The following MUTYH variants were observed in gnomAD, a reference collection of about 807,000 sequenced individuals.
MUTYH encodes the protein adenine DNA glycosylase.
A neutral mutation model predicts 72.9 loss-of-function variants in MUTYH; 64 were observed. That is an observed-to-expected ratio of 0.88 (90% confidence interval 0.72 to 1.08). MUTYH has a LOEUF of 1.08. MUTYH is among the 50% of genes least tolerant of loss of function. MUTYH has a pLI of 0.00. For synonymous variants in MUTYH, 234 were observed against 263.1 expected (o/e 0.89, Z 1.07); for missense variants, 633 against 671.0 (o/e 0.94, Z 0.63).
intron 9 of MUTYH, 31 bp downstream of exon 9, chr1:45,332,360 C>G (rs746366720): frequency 1.2e-6 from 2 of 1,614,138 alleles, no homozygotes; most frequent in Non-Finnish European, 1.7e-6. Flanking sequence ...GCAGACACCC[C>G]TGAAGCACCC....
chr1:45,340,239 A>G, upstream of MUTYH: 1 of 1,613,800 alleles, frequency 6.2e-7, no homozygotes, highest in Non-Finnish European at 8.5e-7. Flanking sequence ...CTCAGGCGGG[A>G]GACGAGCGGT....
chr1:45,337,409 C>T (rs1007117185), intron 1 of MUTYH, among the ~76,000 whole-genome samples: 22 of 152,130 alleles, frequency 1.4e-4, no homozygotes, highest in Non-Finnish European at 1.9e-4. Context: ...CAACCCGCCT[C>T]GGCCTCCCAA....
chr1:45,330,323 G>A (rs1376606266), intron 15 of MUTYH, among the ~76,000 whole-genome samples, 193 bp downstream of exon 15: 3 of 151,160 alleles, frequency 2.0e-5, no homozygotes, highest in Admixed American at 6.6e-5. Context: ...TGACACTGGA[G>A]AGTCCTCATC....
intron 1 of MUTYH, chr1:45,338,293 CCTCA>C (rs1285838167): frequency 1.9e-6 from 1 of 532,922 alleles, no homozygotes; most frequent in African/African-American, 1.9e-5. Flanking sequence ...CGCCTCATCC[CCTCA>C]CTATGCTCTA....
intron 1 of MUTYH, among the ~76,000 whole-genome samples, chr1:45,335,461 A>T (rs891206038): frequency 3.3e-5 from 5 of 152,036 alleles, no homozygotes; most frequent in African/African-American, 1.2e-4. Context: ...TCCTTCAGAA[A>T]AAAAAAAACC....
chr1:45,331,197 G>A lies in MUTYH; in HGVS notation c.1377C>T (p.Ser459=), dbSNP rs876658316. ...TQEEFHTAAV[S]TAMKKVFRVY... ...AAGGTAGTGCCTTTTTCATGGCGGT[G>A]GAAACAGCTGCGGTGTGAAATTCCT... is the stretch of plus-strand genomic sequence containing the variant. Residue 459 remains serine (S), a synonymous_variant, in exon 14 of 16, where the codon TCC becomes TCT. Coordinates refer to ENST00000456914, the MANE Select transcript of MUTYH (RefSeq NM_001048174.2). The A allele has an allele frequency of 1.9e-6, 3 of 1,614,212 alleles. No individual in the cohort carries two copies. The highest frequency in any genetic ancestry group is 2.5e-6 in the Non-Finnish European group (3 of 1,180,036).
chr1:45,339,484 G>A (rs1462321073), intron 1 of MUTYH, among the ~76,000 whole-genome samples: 2 of 149,520 alleles, frequency 1.3e-5, no homozygotes, highest in African/African-American at 4.9e-5. Flanking sequence ...AAAGTGCTGG[G>A]ATTACAGGCG....
intron 2 of MUTYH, chr1:45,334,078 C>T: frequency 2.5e-6 from 1 of 399,440 alleles, no homozygotes; most frequent in Non-Finnish European, 4.8e-6. Context: ...ATTATCTTGA[C>T]TCAGTGCAAC....
rs1553125243 is a variant in MUTYH at position 45,331,301 on chromosome 1, AT to A, written c.1272del (p.Tyr425IlefsTer14). 1 of 1,614,158 alleles carries A rather than the reference AT, an allele frequency of 6.2e-7. No homozygotes were observed. The highest frequency in any genetic ancestry group is 8.5e-7 in the Non-Finnish European group (1 of 1,180,018). On this transcript the variant is annotated frameshift_variant, in exon 14 of 16. Transcript: ENST00000456914. LOFTEE classifies it high-confidence loss of function. ...TCCAAGGCCAGCCCATATACTTGAT[AT>A]GTCAGCTTGATGTGAGAGAAGGTGT... ...VVHTFSHIKL[T>X]YQVYGLALEG...
chr1:45,332,611 T>C lies in MUTYH; in HGVS notation c.569A>G (p.Tyr190Cys), dbSNP rs1570415740. The stretch of plus-strand genomic sequence containing the variant: ...GATAGAGGCAATGGCCCCAGCTGTG[T>C]AGCGCCCCACGCCAGGCAGGAGCTG... ...LQQLLPGVGR[Y>C]TAGAIASIAF... Residue 190 changes from tyrosine (Y) to cysteine (C), a missense_variant, in exon 8 of 16, where the codon TAC becomes TGC. Physicochemically the swap from Tyr to Cys is radical, Grantham distance 194. Coordinates refer to ENST00000456914, the MANE Select transcript of MUTYH (RefSeq NM_001048174.2). The C allele has an allele frequency of 6.2e-7, 1 of 1,614,130 alleles. No homozygotes were observed. The highest frequency in any genetic ancestry group is 8.5e-7 in the Non-Finnish European group (1 of 1,180,006).
In MUTYH at chr1:45,331,411, C is replaced by T. The variant is rs746393901; in HGVS notation, c.1239+9G>A. On this transcript the variant is annotated intron_variant, in intron 13 of 15. Coordinates refer to ENST00000456914, the MANE Select transcript of MUTYH (RefSeq NM_001048174.2). ...GCCAACATCCTTGGCTATTCCGCTG[C>T]TCACTTACCTCCCCAAGGTGCCGGA... 1.9e-6 allele frequency: 3 copies of T among 1,614,254 alleles called. No individual in the cohort carries two copies. Among genetic ancestry groups the T allele is most frequent in the South Asian group, 1.1e-5 (1 of 91,090 alleles).
Position 45,331,528 on chromosome 1 carries a change from C to T in MUTYH, c.1131G>A (p.Pro377=), listed in dbSNP as rs876659935. The T allele has an allele frequency of 8.1e-6, 13 of 1,614,022 alleles. No homozygotes were observed. The East Asian group carries it at 8.9e-5, about 11-fold the overall frequency. ...SGLLAGLWEF[P]SVTWEPSEQL... is the part of the protein sequence containing the mutation. ...GCTCTGAGGGCTCCCAGGTCACGGA[C>T]GGGAACTCCCACAGTCCTGCCAGCA... Residue 377 remains proline, a synonymous_variant, in exon 13 of 16, where the codon CCG becomes CCA. Transcript: ENST00000456914.
chr1:45,335,622 T>C (rs1228278326), intron 1 of MUTYH, among the ~76,000 whole-genome samples: 1 of 152,000 alleles, frequency 6.6e-6, no homozygotes, highest in Non-Finnish European at 1.5e-5. Context: ...TGCGGGAGGC[T>C]AAGGCAGGCA....
rs749896967 is a variant in MUTYH at position 45,332,644 on chromosome 1, G to A, written c.536C>T (p.Thr179Ile). 2.5e-6 allele frequency: 4 copies of A among 1,614,176 alleles called. No homozygotes were observed. In the South Asian group the frequency reaches 4.4e-5, roughly 18 times the overall value. ...CACGCCAGGCAGGAGCTGCTGCAGG[G>A]TCTCTGCTGTACGTGGCATGTGGCC... ...LGGHMPRTAE[T>I]LQQLLPGVGR... The change falls in exon 8 of 16, where the codon ACC becomes ATC. Residue 179 changes from threonine to isoleucine, a missense_variant. Thr to Ile is a moderately conservative substitution (Grantham distance 89). Coordinates refer to ENST00000456914, the MANE Select transcript of MUTYH (RefSeq NM_001048174.2).
In MUTYH at chr1:45,331,600, G is replaced by A. The variant is rs771062894; in HGVS notation, c.1103-44C>T. 1.1e-5 allele frequency: 18 copies of A among 1,613,130 alleles called. 1 individual carries two copies. Among genetic ancestry groups the A allele is most frequent in the Middle Eastern group, 1.6e-4 (1 of 6,080 alleles). ...AGGCAGGGGTCAGGCCTCAGCTGCC[G>A]ATTCCCTCCATTCTCTCTTGTTACT... On this transcript the variant is annotated intron_variant, in intron 12 of 15. Coordinates refer to ENST00000456914, the MANE Select transcript of MUTYH (RefSeq NM_001048174.2).
rs1038880173 is a variant in MUTYH, at chr1:45,339,535, A to G, written c.-7+364T>C. On this transcript the variant is annotated intron_variant, in intron 1 of 15. Coordinates refer to ENST00000456914, the MANE Select transcript of MUTYH (RefSeq NM_001048174.2). ...GGCCTAGGAACCTCTTTCAAATTCA[A>G]TCACCCTCTAGGTCGACTATACCGC... The G allele has an allele frequency of 4.7e-5, 13 of 276,250 alleles. No individual in the cohort carries two copies. In the Admixed American group the frequency reaches 5.1e-4, roughly 11 times the overall value. The allele number at this position is 276,250 out of a possible 1,614,324, so 17.1% of individuals were successfully genotyped here. A position where few individuals can be genotyped will look rare whatever the true frequency, so the allele number is the denominator to read the frequency against.
rs1399651154 is a variant in MUTYH at position 45,331,291 on chromosome 1, T to C, written c.1283A>G (p.Tyr428Cys). 1.2e-6 allele frequency: 2 copies of C among 1,614,026 alleles called. No homozygotes were observed. Among genetic ancestry groups the C allele is most frequent in the South Asian group, 2.2e-5 (2 of 91,086 alleles). ...FSHIKLTYQV[Y>C]GLALEGQTPV... ...GGTCTGCCCTTCCAAGGCCAGCCCA[T>C]ATACTTGATATGTCAGCTTGATGTG... Residue 428 changes from tyrosine to cysteine, a missense_variant, in exon 14 of 16, where the codon TAT (tyrosine) becomes TGT (cysteine). Coordinates refer to ENST00000456914, the MANE Select transcript of MUTYH (RefSeq NM_001048174.2).
chr1:45,335,201 T>A (rs1645698116), intron 1 of MUTYH, among the ~76,000 whole-genome samples: 1 of 152,178 alleles, frequency 6.6e-6, no homozygotes, highest in Non-Finnish European at 1.5e-5. Context: ...CTACTCTATG[T>A]CAGACCCCAT....
chr1:45,337,445 C>T lies in MUTYH; in HGVS notation c.-7+2454G>A, dbSNP rs3219475. Among the ~76,000 whole-genome samples the T allele has an allele frequency of 2.6e-5, 4 of 152,136 alleles. No individual in the cohort carries two copies. The South Asian group carries it at 6.2e-4, about 24-fold the overall frequency. On this transcript the variant is annotated intron_variant, in intron 1 of 15. Coordinates refer to ENST00000456914, the MANE Select transcript of MUTYH (RefSeq NM_001048174.2). ...AGTGCTGGGATACAGGCATGAGCCA[C>T]GGCGCCTGGTGACACCCCATTATAT...
Sources: gnomAD v4.1 joint callset for allele counts (sites outside exome capture counted in the v4.1 genomes callset) on GRCh38, gnomAD v4.1.1 for gene constraint, MANE v1.5 for transcripts, NCBI Gene and HGNC (gene_info 2026-07-23, HGNC 2026-07-21) for gene names.